Variants in COPG2 observed in about 807,000 individuals in gnomAD.
The protein encoded by COPG2 is coat protein complex I subunit gamma 2, also known as coatomer subunit gamma-2.
A neutral mutation model predicts 46.3 loss-of-function variants in COPG2; 37 were observed. The ratio of observed to expected loss-of-function variants is 0.80; its 90% CI spans 0.61 to 1.05. COPG2 has a LOEUF of 1.05. Ranked by LOEUF, COPG2 falls within the 50% of genes least tolerant of loss-of-function variation. COPG2 has a pLI of 0.00. For synonymous variants in COPG2, 159 were observed against 129.7 expected (o/e 1.23, Z -1.53); for missense variants, 427 against 387.8 (o/e 1.10, Z -0.85).
At chr7:130,579,620 C>T (rs1220426852) in intron 9 of COPG2, among the ~76,000 whole-genome samples, 2 of 152,070 alleles carry the variant, frequency 1.3e-5, no homozygotes, top group African/African-American at 4.8e-5. Context: ...TGTGCAGAGA[C>T]ACACACAGGC....
At chr7:130,535,696 A>AGGGTTAGGGGCAGTGGGACT (rs1799873188) in intron 20 of COPG2, among the ~76,000 whole-genome samples, 2 of 20,130 alleles carry the variant, frequency 9.9e-5, no homozygotes, top group Non-Finnish European at 1.8e-4. Context: ...TGGGTGGGGC[A>AGGGTTAGGGGCAGTGGGACT]GGGTTAGGGG....
chr7:130,541,281 T>C (rs1459569725), intron 20 of COPG2, among the ~76,000 whole-genome samples: 1 of 152,044 alleles, frequency 6.6e-6, no homozygotes, highest in Admixed American at 6.5e-5. Flanking sequence ...AAGGGCCTAG[T>C]GACACAGAGG....
chr7:130,513,618 G>A (rs559376475), intron 20 of COPG2, among the ~76,000 whole-genome samples: 1 of 152,042 alleles, frequency 6.6e-6, no homozygotes, highest in Non-Finnish European at 1.5e-5. Context: ...AATGATGTTT[G>A]AAGCAACAAG....
chr7:130,544,845 T>C (rs942502232), intron 20 of COPG2, among the ~76,000 whole-genome samples: 6 of 152,116 alleles, frequency 3.9e-5, no homozygotes, highest in Non-Finnish European at 5.9e-5. Flanking sequence ...CATAGAGACT[T>C]AGGATGTCCA....
chr7:130,602,978 T>A (rs1326549171), intron 9 of COPG2: 1 of 151,790 alleles, frequency 6.6e-6, no homozygotes, highest in Non-Finnish European at 1.5e-5. Flanking sequence ...AGCTTCTAAT[T>A]AAAAAAAAAT....
intron 20 of COPG2, among the ~76,000 whole-genome samples, chr7:130,520,425 T>C (rs1290993566): frequency 6.6e-6 from 1 of 152,222 alleles, no homozygotes; most frequent in Non-Finnish European, 1.5e-5. Flanking sequence ...ACAGCAAATA[T>C]TATTGAGACC....
rs1486777530 is a variant in COPG2 at position 130,574,679 on chromosome 7, C to CT, written c.738-10287_738-10286insA. Among the ~76,000 whole-genome samples, 20 of 152,106 alleles carry CT rather than the reference C, an allele frequency of 1.3e-4. No homozygotes were observed. In the East Asian group the frequency reaches 3.9e-3, roughly 29 times the overall value. ...CAAAAAAATTACACTAGTTCACCAG[C>CT]AATGGATCTAAGCCAAGAAGAAATC... On this transcript the variant is annotated intron_variant, in intron 9 of 23. Transcript: ENST00000425248.
intron 20 of COPG2, among the ~76,000 whole-genome samples, chr7:130,529,982 TGTTTAG>T (rs1204273259): frequency 5.3e-5 from 8 of 152,054 alleles, no homozygotes; most frequent in Admixed American, 5.2e-4. Flanking sequence ...AAGTGGGAGA[TGTTTAG>T]GTCAGTAGCA....
intron 20 of COPG2, among the ~76,000 whole-genome samples, chr7:130,517,202 G>A (rs1164654566): frequency 1.3e-5 from 2 of 152,160 alleles, no homozygotes; most frequent in Non-Finnish European, 2.9e-5. Context: ...AACCATTCTT[G>A]GATCAAGGTT....
chr7:130,554,478 C>T lies in COPG2; in HGVS notation c.1468+3G>A. ...CGTCAATATCAGTGTCCCAATGACT[C>T]ACCAGCTCTGACAGCCTCATTCTCC... On this transcript the variant is annotated splice_donor_region_variant and intron_variant, in intron 14 of 23. Coordinates refer to ENST00000425248, the MANE Select transcript of COPG2 (RefSeq NM_012133.6). 1 of 398,558 alleles carries T rather than the reference C, an allele frequency of 2.5e-6. No homozygotes were observed. Among genetic ancestry groups the T allele is most frequent in the Non-Finnish European group, 4.4e-6 (1 of 226,026 alleles). 24.7% of individuals were successfully genotyped at this position (398,558 alleles called of 1,614,324 possible).
intron 20 of COPG2, among the ~76,000 whole-genome samples, chr7:130,534,005 T>C (rs1377918348): frequency 6.7e-6 from 1 of 148,236 alleles, no homozygotes. Flanking sequence ...TGGAGCAGAG[T>C]TGAGCTTTGA....
intron 9 of COPG2, among the ~76,000 whole-genome samples, chr7:130,587,849 A>C (rs1349507754): frequency 6.6e-6 from 1 of 152,234 alleles, no homozygotes; most frequent in Non-Finnish European, 1.5e-5. Context: ...CATCAGAGTG[A>C]ATAGGCAACC....
At chr7:130,625,548 C>T (rs1395650928) in intron 5 of COPG2, among the ~76,000 whole-genome samples, 1 of 151,608 alleles carries the variant, frequency 6.6e-6, no homozygotes, top group Non-Finnish European at 1.5e-5. Context: ...GCTGTATTTG[C>T]CTAAAAAATT....
intron 5 of COPG2, among the ~76,000 whole-genome samples, chr7:130,650,568 T>C (rs1795716465): frequency 6.6e-6 from 1 of 152,250 alleles, no homozygotes; most frequent in South Asian, 2.1e-4. Context: ...TTTTTACTTG[T>C]GGTAGACACC....
intron 20 of COPG2, chr7:130,510,217 G>A (rs899332776): frequency 1.2e-5 from 6 of 519,914 alleles, no homozygotes; most frequent in Admixed American, 1.9e-5. Context: ...AACAGAATAT[G>A]CTGAAAACAG....
intron 5 of COPG2, among the ~76,000 whole-genome samples, chr7:130,630,148 T>C (rs1795202610): frequency 6.6e-6 from 1 of 152,082 alleles, no homozygotes. Flanking sequence ...CTTGACTTCA[T>C]GATCCACCTG....
intron 4 of COPG2, among the ~76,000 whole-genome samples, chr7:130,654,032 C>CA (rs1291897679): frequency 9.9e-5 from 15 of 151,894 alleles, no homozygotes; most frequent in Non-Finnish European, 1.5e-5. Context: ...CATTAAAACA[C>CA]AAAAAATGGG....
chr7:130,513,968 A>G (rs1799652779), intron 20 of COPG2, among the ~76,000 whole-genome samples: 1 of 152,246 alleles, frequency 6.6e-6, no homozygotes, highest in Non-Finnish European at 1.5e-5. Context: ...GAAACTGTGT[A>G]AAGGGAGAAC....
chr7:130,663,384 T>C (rs1305114105), intron 3 of COPG2, among the ~76,000 whole-genome samples: 1 of 152,186 alleles, frequency 6.6e-6, no homozygotes, highest in Non-Finnish European at 1.5e-5. Flanking sequence ...GACATTATTA[T>C]TACACTGCCT....
Sources: gnomAD v4.1 joint callset for allele counts (sites outside exome capture counted in the v4.1 genomes callset) on GRCh38, gnomAD v4.1.1 for gene constraint, MANE v1.5 for transcripts, NCBI Gene and HGNC (gene_info 2026-07-23, HGNC 2026-07-21) for gene names.